Variants in H1-3 observed in about 807,000 individuals in gnomAD.
H1-3 encodes H1.3 linker histone, cluster member, also known as histone H1.3.
A neutral mutation model predicts 3.6 loss-of-function variants in H1-3; 4 were observed. That is an observed-to-expected ratio of 1.12 (90% CI 0.55 to 2.57). H1-3 has a LOEUF of 2.57. H1-3 is among the 30% of genes most tolerant of loss of function. H1-3 has a pLI of 0.02. For missense variants in H1-3, 670 were observed against 274.3 expected (o/e 2.44, Z -10.19); for synonymous variants, 266 against 110.0 (o/e 2.42, Z -8.87).
At position 26,234,405 on chromosome 6, in the gene H1-3, T is replaced by G; in HGVS notation, c.529A>C (p.Lys177Gln). Residue 177 changes from lysine to glutamine, a missense_variant, in exon 1 of 1, where the codon AAG becomes CAG. By Grantham distance (53) the Lys-to-Gln change is moderately conservative (BLOSUM62 1). Coordinates refer to ENST00000244534, the MANE Select transcript of H1-3 (RefSeq NM_005320.3). ...GTKKVAKSAK[K>Q]VKTPQPKKAA... ...TTTTTTGGCTGAGGTGTTTTCACCT[T>G]TTTCGCACTCTTGGCCACTTTCTTG... 6.2e-7 allele frequency: 1 copy of G among 1,614,228 alleles called. No individual in the cohort carries two copies. The highest frequency in any genetic ancestry group is 2.2e-5 in the East Asian group (1 of 44,886).
chr6:26,234,573 C>T lies in H1-3; in HGVS notation c.361G>A (p.Ala121Thr), dbSNP rs780578769. Residue 121 changes from alanine to threonine, a missense_variant, in exon 1 of 1, where the codon GCC becomes ACC. Ala to Thr is a moderately conservative substitution (Grantham distance 58, BLOSUM62 0). Transcript: ENST00000244534. ...GGCTTGGCTGCGCCAGCCTTTTTGG[C>T]CTTGGGTTTGCCTTCCCCGGAAGCC... is the stretch of plus-strand genomic sequence containing the variant. ...KAASGEGKPK[A>T]KKAGAAKPRK... 26 of 1,613,094 alleles carry T rather than the reference C, an allele frequency of 1.6e-5. No individual in the cohort carries two copies. The highest frequency in any genetic ancestry group is 2.2e-5 in the East Asian group (1 of 44,888).
rs1337760291 is a variant in H1-3, at chr6:26,234,948, AG to A, written c.-16del. ...GTCTCCGACATGTTTTTGTCTTCCC[AG>A]AAAAGACAATAAGTAATCTCAAACT... On this transcript the variant is annotated 5_prime_UTR_variant, in exon 1 of 1. Transcript: ENST00000244534. The A allele has an allele frequency of 3.2e-6, 5 of 1,584,070 alleles. No individual in the cohort carries two copies. Among genetic ancestry groups the A allele is most frequent in the Non-Finnish European group, 4.3e-6 (5 of 1,168,194 alleles).
At position 26,234,253 on chromosome 6, in the gene H1-3, A is replaced by G; in HGVS notation, c.*15T>C. The G allele has an allele frequency of 6.3e-7, 1 of 1,578,152 alleles. No homozygotes were observed. The highest frequency in any genetic ancestry group is 8.6e-7 in the Non-Finnish European group (1 of 1,168,492). On this transcript the variant is annotated 3_prime_UTR_variant, in exon 1 of 1. Transcript: ENST00000244534. ...GAGCCGTTTAAAATTTTCAAAGGGGAACGTCCCGCCAGTTTCACTTTTTCT... is the reference window on the plus strand; with the variant it reads ...GAGCCGTTTAAAATTTTCAAAGGGGGACGTCCCGCCAGTTTCACTTTTTCT...
At position 26,234,797 on chromosome 6, in the gene H1-3, G is replaced by C; in HGVS notation, c.137C>G (p.Thr46Ser). The C allele has an allele frequency of 6.2e-7, 1 of 1,614,222 alleles. No homozygotes were observed. The highest frequency in any genetic ancestry group is 8.5e-7 in the Non-Finnish European group (1 of 1,180,032). The change falls in exon 1 of 1, where the codon ACC becomes AGC. Residue 46 changes from threonine to serine, a missense_variant. Thr to Ser is a moderately conservative substitution (Grantham distance 58). Coordinates refer to ENST00000244534, the MANE Select transcript of H1-3 (RefSeq NM_005320.3). ...ASGPPVSELITKAVAASKERS... is the reference protein window; with the variant it reads ...ASGPPVSELISKAVAASKERS... The stretch of plus-strand genomic sequence containing the variant: ...CTCCTTAGAAGCTGCCACTGCCTTG[G>C]TGATAAGCTCAGATACTGGGGGTCC...
chr6:26,234,444 T>G lies in H1-3; in HGVS notation c.490A>C (p.Thr164Pro). Reference sequence around the variant, plus strand: ...GCCACTTTCTTGGTCCCAGCAGCGGTTGCTGGCTTCTTTACCTTCTTAGGA... The same window carrying G: ...GCCACTTTCTTGGTCCCAGCAGCGGGTGCTGGCTTCTTTACCTTCTTAGGA... ...KTPKKVKKPA[T>P]AAGTKKVAKS... The change falls in exon 1 of 1, where the codon ACC (threonine) becomes CCC (proline). Residue 164 changes from threonine to proline, a missense_variant. By Grantham distance (38) the Thr-to-Pro change is conservative. Transcript: ENST00000244534. 1 of 1,614,152 alleles carries G rather than the reference T, an allele frequency of 6.2e-7. No homozygotes were observed. The highest frequency in any genetic ancestry group is 1.1e-5 in the South Asian group (1 of 91,088).
chr6:26,234,560 C>A lies in H1-3; in HGVS notation c.374G>T (p.Gly125Val). Reference sequence around the variant, plus strand: ...AGCAGGCTTCCTAGGCTTGGCTGCGCCAGCCTTTTTGGCCTTGGGTTTGCC... The same window carrying A: ...AGCAGGCTTCCTAGGCTTGGCTGCGACAGCCTTTTTGGCCTTGGGTTTGCC... ...GEGKPKAKKAGAAKPRKPAGA... is the reference protein window; with the variant it reads ...GEGKPKAKKAVAAKPRKPAGA... Residue 125 changes from glycine to valine, a missense_variant, in exon 1 of 1, where the codon GGC becomes GTC. Physicochemically the swap from Gly to Val is moderately radical, Grantham distance 109. Transcript: ENST00000244534. 1 of 1,612,826 alleles carries A rather than the reference C, an allele frequency of 6.2e-7. No homozygotes were observed. Among genetic ancestry groups the A allele is most frequent in the Non-Finnish European group, 8.5e-7 (1 of 1,179,758 alleles).
Position 26,234,747 on chromosome 6 carries a change from G to T in H1-3, c.187C>A (p.Leu63Ile), listed in dbSNP as rs770792589. 2 of 1,614,084 alleles carry T rather than the reference G, an allele frequency of 1.2e-6. No individual in the cohort carries two copies. The highest frequency in any genetic ancestry group is 1.7e-6 in the Non-Finnish European group (2 of 1,180,022). The change falls in exon 1 of 1, where the codon CTT becomes ATT. Residue 63 changes from leucine to isoleucine, a missense_variant. By Grantham distance (5) the Leu-to-Ile change is conservative. Coordinates refer to ENST00000244534, the MANE Select transcript of H1-3 (RefSeq NM_005320.3). ...KERSGVSLAA[L>I]KKALAAAGYD... ...CCAGCAGCCGCAAGCGCTTTCTTAA[G>T]CGCGGCCAGAGAAACGCCGCTGCGC... is the stretch of plus-strand genomic sequence containing the variant.
At position 26,234,693 on chromosome 6, in the gene H1-3, T is replaced by A. The variant is rs755810082; in HGVS notation, c.241A>T (p.Ile81Phe). Residue 81 changes from isoleucine (I) to phenylalanine (F), a missense_variant, in exon 1 of 1, where the codon ATC (isoleucine) becomes TTC (phenylalanine). Coordinates refer to ENST00000244534, the MANE Select transcript of H1-3 (RefSeq NM_005320.3). Reference protein sequence around the residue: ...GYDVEKNNSRIKLGLKSLVSK... With the variant: ...GYDVEKNNSRFKLGLKSLVSK... ...ACCAAGCTCTTGAGGCCAAGCTTGA[T>A]ACGGCTGTTGTTTTTTTCTACATCG... 6.2e-7 allele frequency: 1 copy of A among 1,614,034 alleles called. No homozygotes were observed.
rs1183133916 is a variant in H1-3 at position 26,234,697 on chromosome 6, G to A, written c.237C>T (p.Ser79=). 6.8e-6 allele frequency: 11 copies of A among 1,613,800 alleles called. No homozygotes were observed. The highest frequency in any genetic ancestry group is 6.7e-5 in the East Asian group (3 of 44,896). The change falls in exon 1 of 1, where the codon AGC becomes AGT. Residue 79 remains serine (S), a synonymous_variant. Transcript: ENST00000244534. ...AGCTCTTGAGGCCAAGCTTGATACGGCTGTTGTTTTTTTCTACATCGTAGC... is the reference window on the plus strand; with the variant it reads ...AGCTCTTGAGGCCAAGCTTGATACGACTGTTGTTTTTTTCTACATCGTAGC... ...AAGYDVEKNN[S]RIKLGLKSLV...
rs549351582 is a variant in H1-3, at chr6:26,234,435, C to A, written c.499G>T (p.Gly167Trp). The part of the protein sequence containing the change: ...KKVKKPATAA[G>W]TKKVAKSAKK... The stretch of plus-strand genomic sequence containing the variant: ...GCACTCTTGGCCACTTTCTTGGTCC[C>A]AGCAGCGGTTGCTGGCTTCTTTACC... Residue 167 changes from glycine to tryptophan, a missense_variant, in exon 1 of 1, where the codon GGG (glycine) becomes TGG (tryptophan). Physicochemically the swap from Gly to Trp is radical, Grantham distance 184. Transcript: ENST00000244534. The A allele has an allele frequency of 6.2e-7, 1 of 1,614,126 alleles. No individual in the cohort carries two copies. The highest frequency in any genetic ancestry group is 2.2e-5 in the East Asian group (1 of 44,874).
At position 26,234,689 on chromosome 6, in the gene H1-3, T is replaced by C. The variant is rs201686429; in HGVS notation, c.245A>G (p.Lys82Arg). The C allele has an allele frequency of 6.2e-7, 1 of 1,614,044 alleles. No individual in the cohort carries two copies. Among genetic ancestry groups the C allele is most frequent in the Non-Finnish European group, 8.5e-7 (1 of 1,180,000 alleles). The change falls in exon 1 of 1, where the codon AAG becomes AGG. Residue 82 changes from lysine (K) to arginine (R), a missense_variant. Coordinates refer to ENST00000244534, the MANE Select transcript of H1-3 (RefSeq NM_005320.3). The part of the protein sequence containing the change: ...YDVEKNNSRI[K>R]LGLKSLVSKG... ...GCTCACCAAGCTCTTGAGGCCAAGC[T>C]TGATACGGCTGTTGTTTTTTTCTAC...
Position 26,234,971 on chromosome 6 carries a change from A to C in H1-3, c.-38T>G. 6.5e-7 allele frequency: 1 copy of C among 1,541,636 alleles called. No homozygotes were observed. Among genetic ancestry groups the C allele is most frequent in the Non-Finnish European group, 8.8e-7 (1 of 1,141,684 alleles). On this transcript the variant is annotated 5_prime_UTR_variant, in exon 1 of 1. Coordinates refer to ENST00000244534, the MANE Select transcript of H1-3 (RefSeq NM_005320.3). Reference sequence around the variant, plus strand: ...CCAGAAAAGACAATAAGTAATCTCAAACTGTCAGAACAGCATGTCCTCTAC... The same window carrying C: ...CCAGAAAAGACAATAAGTAATCTCACACTGTCAGAACAGCATGTCCTCTAC...
In H1-3 at chr6:26,234,368, C is replaced by G. The variant is rs747639258; in HGVS notation, c.566G>C (p.Ser189Thr). The change falls in exon 1 of 1, where the codon AGT (serine) becomes ACT (threonine). Residue 189 changes from serine (S) to threonine (T), a missense_variant. Physicochemically the swap from Ser to Thr is moderately conservative, Grantham distance 58. Transcript: ENST00000244534. ...CTTAGGGGCTTTGGCCTTAGCTGGA[C>G]TCTTGGCAGCTTTTTTTGGCTGAGG... is the stretch of plus-strand genomic sequence containing the variant. ...KTPQPKKAAK[S>T]PAKAKAPKPK... 1 of 1,614,248 alleles carries G rather than the reference C, an allele frequency of 6.2e-7. No individual in the cohort carries two copies. The highest frequency in any genetic ancestry group is 8.5e-7 in the Non-Finnish European group (1 of 1,180,046).
chr6:26,234,237 A>G lies in H1-3; in HGVS notation c.*31T>C, dbSNP rs752530572. On this transcript the variant is annotated 3_prime_UTR_variant, in exon 1 of 1. Coordinates refer to ENST00000244534, the MANE Select transcript of H1-3 (RefSeq NM_005320.3). ...TGGGTGGCTCTGAAAAGAGCCGTTT[A>G]AAATTTTCAAAGGGGAACGTCCCGC... The G allele has an allele frequency of 3.6e-5, 57 of 1,566,006 alleles. 2 individuals are homozygous for G. In the South Asian group the frequency reaches 6.5e-4, roughly 18 times the overall value.
chr6:26,234,524 T>C lies in H1-3; in HGVS notation c.410A>G (p.Lys137Arg), dbSNP rs955912188. The C allele has an allele frequency of 1.2e-6, 2 of 1,613,662 alleles. No individual in the cohort carries two copies. The highest frequency in any genetic ancestry group is 1.7e-6 in the Non-Finnish European group (2 of 1,179,984). Residue 137 changes from lysine (K) to arginine (R), a missense_variant, in exon 1 of 1, where the codon AAG becomes AGG. Transcript: ENST00000244534. The stretch of plus-strand genomic sequence containing the variant: ...GGCGCCAGCCACCTTCTTGGGCTTC[T>C]TGGCTGCCCCAGCAGGCTTCCTAGG... ...AKPRKPAGAA[K>R]KPKKVAGAAT...
chr6:26,234,509 A>G lies in H1-3; in HGVS notation c.425T>C (p.Val142Ala), dbSNP rs747074146. The G allele has an allele frequency of 4.8e-5, 77 of 1,613,728 alleles. No individual in the cohort carries two copies. Among genetic ancestry groups the G allele is most frequent in the Non-Finnish European group, 6.1e-5 (72 of 1,180,002 alleles). Residue 142 changes from valine to alanine, a missense_variant, in exon 1 of 1, where the codon GTG becomes GCG. By Grantham distance (64) the Val-to-Ala change is moderately conservative. Transcript: ENST00000244534. The part of the protein sequence containing the change: ...PAGAAKKPKK[V>A]AGAATPKKSI... ...TTTCTTCGGGGTAGCGGCGCCAGCC[A>G]CCTTCTTGGGCTTCTTGGCTGCCCC... is the stretch of plus-strand genomic sequence containing the variant.
chr6:26,234,557 G>A lies in H1-3; in HGVS notation c.377C>T (p.Ala126Val), dbSNP rs1307235883. 1.2e-6 allele frequency: 2 copies of A among 1,612,736 alleles called. No individual in the cohort carries two copies. Among genetic ancestry groups the A allele is most frequent in the South Asian group, 1.1e-5 (1 of 91,000 alleles). Reference sequence around the variant, plus strand: ...CCCAGCAGGCTTCCTAGGCTTGGCTGCGCCAGCCTTTTTGGCCTTGGGTTT... The same window carrying A: ...CCCAGCAGGCTTCCTAGGCTTGGCTACGCCAGCCTTTTTGGCCTTGGGTTT... ...EGKPKAKKAG[A>V]AKPRKPAGAA... is the part of the protein sequence containing the mutation. Residue 126 changes from alanine (A) to valine (V), a missense_variant, in exon 1 of 1, where the codon GCA (alanine) becomes GTA (valine). Ala to Val is a moderately conservative substitution (Grantham distance 64). Transcript: ENST00000244534.
In H1-3 at chr6:26,234,873, T is replaced by A; in HGVS notation, c.61A>T (p.Lys21Ter). 1 of 1,613,634 alleles carries A rather than the reference T, an allele frequency of 6.2e-7. No individual in the cohort carries two copies. Among genetic ancestry groups the A allele is most frequent in the Non-Finnish European group, 8.5e-7 (1 of 1,179,900 alleles). ...GCGCCTGCCTTCTTCGCCTTTTTCTTCACAGGTGTTTTTTCTGCGGGTGCA... is the reference window on the plus strand; with the variant it reads ...GCGCCTGCCTTCTTCGCCTTTTTCTACACAGGTGTTTTTTCTGCGGGTGCA... Reference protein sequence around the residue: ...IPAPAEKTPVKKKAKKAGATA... With the variant: ...IPAPAEKTPV Residue 21 changes from lysine (K) to a stop codon, truncating the protein, a stop_gained, in exon 1 of 1, where the codon AAG (lysine) becomes TAG (stop). Transcript: ENST00000244534. LOFTEE classifies it high-confidence loss of function.
In H1-3 at chr6:26,234,457, T is replaced by A; in HGVS notation, c.477A>T (p.Val159=). The change falls in exon 1 of 1, where the codon GTA becomes GTT. Residue 159 remains valine (V), a synonymous_variant. Transcript: ENST00000244534. ...KKSIKKTPKK[V]KKPATAAGTK... is the part of the protein sequence containing the mutation. ...TCCCAGCAGCGGTTGCTGGCTTCTT[T>A]ACCTTCTTAGGAGTCTTTTTGATGC... 6.2e-7 allele frequency: 1 copy of A among 1,614,106 alleles called. No homozygotes were observed. The highest frequency in any genetic ancestry group is 8.5e-7 in the Non-Finnish European group (1 of 1,179,974).
Sources: allele counts gnomAD v4.1 joint callset, GRCh38; gene constraint gnomAD v4.1.1; transcripts MANE v1.5; gene names NCBI Gene and HGNC (gene_info 2026-07-23, HGNC 2026-07-21).